Variants in RNF150 observed in about 807,000 individuals in gnomAD.
The protein encoded by RNF150 is ring finger protein 150.
A neutral mutation model predicts 39.3 loss-of-function variants in RNF150; 24 were observed. The observed-to-expected ratio is 0.61, with a 90% CI of 0.44 to 0.86. The LOEUF is 0.86. Among genes scored for constraint, RNF150 ranks in the 40% least tolerant of loss-of-function variants. The probability of loss-of-function intolerance (pLI) is 0.00; values close to 1 mark genes in which losing one functional copy is unlikely to be tolerated. For synonymous variants in RNF150, 255 were observed against 227.3 expected (o/e 1.12, Z -1.10); for missense variants, 502 against 587.8 (o/e 0.85, Z 1.51).
At chr4:141,088,497 A>C (rs113182537) in intron 1 of RNF150, among the ~76,000 whole-genome samples, 74 of 152,320 alleles carry the variant, frequency 4.9e-4, no homozygotes, top group Non-Finnish European at 9.0e-4. Context: ...ATAAAACCTT[A>C]GAAGAAATTT....
At chr4:140,986,830 T>A (rs1473925093) in intron 1 of RNF150, among the ~76,000 whole-genome samples, 1 of 152,038 alleles carries the variant, frequency 6.6e-6, no homozygotes, top group South Asian at 2.1e-4. Context: ...AAGAATCAAG[T>A]TATCTTTTTT....
chr4:141,080,336 A>G (rs1738101139), intron 1 of RNF150, among the ~76,000 whole-genome samples: 1 of 152,180 alleles, frequency 6.6e-6, no homozygotes, highest in South Asian at 2.1e-4. Flanking sequence ...TTACAATGAC[A>G]AATACGAAAC....
chr4:140,957,252 A>T (rs888074832), intron 2 of RNF150, among the ~76,000 whole-genome samples: 2 of 152,192 alleles, frequency 1.3e-5, no homozygotes, highest in African/African-American at 4.8e-5. Context: ...ACATGAACAG[A>T]CACTTCTCAA....
chr4:141,120,439 A>C (rs1037542673), intron 1 of RNF150, among the ~76,000 whole-genome samples: 2 of 152,176 alleles, frequency 1.3e-5, no homozygotes, highest in African/African-American at 4.8e-5. Context: ...AAACCCCATG[A>C]TTCTAAAACG....
chr4:141,127,914 A>C (rs1490540471), intron 1 of RNF150, among the ~76,000 whole-genome samples: 1 of 152,244 alleles, frequency 6.6e-6, no homozygotes, highest in Non-Finnish European at 1.5e-5. Flanking sequence ...TACACAGACT[A>C]CCACGTTTAT....
chr4:140,947,659 G>T lies in RNF150; in HGVS notation c.885C>A (p.Pro295=). The change falls in exon 4 of 7, where the codon CCC becomes CCA. Residue 295 remains proline (P), a synonymous_variant. Transcript: ENST00000515673. ...CAGGCAGCCTAGTGACTCACCGGCA[G>T]GGCAGGATCCGGACAACGTCATTGG... ...YKPNDVVRIL[P]CRHLFHKSCV... is the part of the protein sequence containing the mutation. The T allele has an allele frequency of 6.2e-7, 1 of 1,610,186 alleles. No homozygotes were observed. Among genetic ancestry groups the T allele is most frequent in the Non-Finnish European group, 8.5e-7 (1 of 1,177,980 alleles).
chr4:141,071,680 T>A (rs1330748852), intron 1 of RNF150, among the ~76,000 whole-genome samples: 1 of 152,134 alleles, frequency 6.6e-6, no homozygotes, highest in Admixed American at 6.5e-5. Flanking sequence ...TGAAAGGACA[T>A]ATGTTAAGAG....
chr4:140,999,183 C>T (rs1366525926), intron 1 of RNF150, among the ~76,000 whole-genome samples: 2 of 152,178 alleles, frequency 1.3e-5, no homozygotes, highest in Admixed American at 6.5e-5. Context: ...CACAAGCAGA[C>T]AAAACTATGA....
intron 1 of RNF150, among the ~76,000 whole-genome samples, chr4:140,969,543 G>C (rs974909902): frequency 8.5e-5 from 13 of 152,150 alleles, no homozygotes; most frequent in African/African-American, 3.1e-4. Context: ...TTTGTATACT[G>C]GACTAATCTG....
At chr4:140,910,281 GAGAA>G (rs1055098146) in intron 6 of RNF150, among the ~76,000 whole-genome samples, 13 of 152,212 alleles carry the variant, frequency 8.5e-5, no homozygotes, top group African/African-American at 2.6e-4. Context: ...CTTCTGTCAA[GAGAA>G]AGAAAGACAC....
At chr4:140,963,440 C>T (rs933530810) in intron 2 of RNF150, among the ~76,000 whole-genome samples, 3 of 151,956 alleles carry the variant, frequency 2.0e-5, no homozygotes, top group Non-Finnish European at 2.9e-5. Context: ...TGAAATATGG[C>T]TAGTAACTGA....
chr4:141,046,120 T>C (rs1384393934), intron 1 of RNF150, among the ~76,000 whole-genome samples: 1 of 152,184 alleles, frequency 6.6e-6, no homozygotes, highest in African/African-American at 2.4e-5. Flanking sequence ...GAATGTTTTA[T>C]AATTATAGAA....
At chr4:141,088,261 T>C (rs1474244450) in intron 1 of RNF150, among the ~76,000 whole-genome samples, 1 of 152,170 alleles carries the variant, frequency 6.6e-6, no homozygotes, top group African/African-American at 2.4e-5. Flanking sequence ...ATACACTGTG[T>C]CCTGAAACTC....
At chr4:140,939,251 T>G (rs1032626064) in intron 4 of RNF150, among the ~76,000 whole-genome samples, 1 of 152,232 alleles carries the variant, frequency 6.6e-6, no homozygotes, top group Admixed American at 6.5e-5. Context: ...TGGTCTCATA[T>G]GAAACTGTTT....
chr4:140,946,493 A>G (rs1437124181), intron 4 of RNF150, among the ~76,000 whole-genome samples: 1 of 151,160 alleles, frequency 6.6e-6, no homozygotes, highest in Non-Finnish European at 1.5e-5. Flanking sequence ...TTTTTCTTTG[A>G]GACAAGGTCT....
intron 1 of RNF150, among the ~76,000 whole-genome samples, chr4:141,157,883 T>C (rs1439386887): frequency 1.3e-5 from 2 of 152,234 alleles, no homozygotes; most frequent in African/African-American, 2.4e-5. Context: ...GCTTTGAGGT[T>C]ATTGCATTTG....
At chr4:141,156,416 G>T (rs977635104) in intron 1 of RNF150, among the ~76,000 whole-genome samples, 29 of 151,990 alleles carry the variant, frequency 1.9e-4, no homozygotes, top group Admixed American at 3.3e-4. Context: ...GAGTAGGAGG[G>T]ACTACAGGCA....
intron 6 of RNF150, among the ~76,000 whole-genome samples, chr4:140,878,378 C>A (rs1216681169): frequency 6.6e-6 from 1 of 151,888 alleles, no homozygotes; most frequent in Non-Finnish European, 1.5e-5. Context: ...ACCATATCAG[C>A]CAGGCTGATC....
intron 1 of RNF150, among the ~76,000 whole-genome samples, chr4:141,027,939 T>TTTTTTTTTTTTTTTTTTTTTTTTG (rs1735781610): frequency 7.5e-6 from 1 of 133,564 alleles, no homozygotes; most frequent in African/African-American, 2.8e-5. Flanking sequence ...TTTTTTTTTT[T>TTTTTTTTTTTTTTTTTTTTTTTTG]TTTTTTTTTT....
Sources: allele counts gnomAD v4.1 joint callset (sites outside exome capture counted in the v4.1 genomes callset), GRCh38; gene constraint gnomAD v4.1.1; transcripts MANE v1.5; gene names NCBI Gene and HGNC (gene_info 2026-07-23, HGNC 2026-07-21).